ALG1L2: variants seen among roughly 807,000 people sequenced by gnomAD.
The protein encoded by ALG1L2 is ALG1 chitobiosyldiphosphodolichol beta-mannosyltransferase like 2.
Under a neutral mutation model 29.0 loss-of-function variants are expected in ALG1L2, and 32 were observed. That is an observed-to-expected ratio of 1.10 (90% CI 0.83 to 1.48). The LOEUF is 1.48. Ranked by LOEUF, ALG1L2 falls within the 40% of genes most tolerant of loss-of-function variation. The pLI is 0.00. For missense variants in ALG1L2, 318 were observed against 274.1 expected, an observed-to-expected ratio of 1.16 and a Z score of -1.13; for synonymous variants, 110 against 109.5, an observed-to-expected ratio of 1.00 and a Z score of -0.03.
At chr3:130,095,409 T>TTTATTATTATTATTA (rs869099473) in intron 5 of ALG1L2, among the ~76,000 whole-genome samples, 10 of 121,128 alleles carry the variant, frequency 8.3e-5, no homozygotes, top group African/African-American at 2.5e-4. Flanking sequence ...TGTGCTGTGG[T>TTTATTATTATTATTA]TTATTATTAT....
intron 5 of ALG1L2, 51 bp downstream of exon 5, chr3:130,094,564 GAACA>G: frequency 5.1e-6 from 3 of 587,944 alleles, no homozygotes; most frequent in Non-Finnish European, 8.7e-6. Context: ...TATGCAGGGG[GAACA>G]GGGGTGGGCG....
In ALG1L2 at chr3:130,098,276, A is replaced by G; in HGVS notation, c.*21A>G. ...CCTGATCCTGAAGGCAAGCTAAACCAGTTCCGGAAGAACCTGCGGGAGTCG... is the reference window on the plus strand; with the variant it reads ...CCTGATCCTGAAGGCAAGCTAAACCGGTTCCGGAAGAACCTGCGGGAGTCG... On this transcript the variant is annotated 3_prime_UTR_variant, in exon 8 of 8. Coordinates refer to ENST00000425059, the MANE Select transcript of ALG1L2 (RefSeq NM_001136152.1). The G allele has an allele frequency of 6.3e-7, 1 of 1,596,456 alleles. No individual in the cohort carries two copies. The highest frequency in any genetic ancestry group is 8.5e-7 in the Non-Finnish European group (1 of 1,179,762).
rs769338255 is a variant in ALG1L2, at chr3:130,094,369, G to C, written c.314-34G>C. ...GGGGCTATGTGGCAGGGACAGAGACGGGTTCATGGCAGTGTCTGCTCTTCT... is the reference window on the plus strand; with the variant it reads ...GGGGCTATGTGGCAGGGACAGAGACCGGTTCATGGCAGTGTCTGCTCTTCT... On this transcript the variant is annotated intron_variant, in intron 4 of 7. Transcript: ENST00000425059. The C allele has an allele frequency of 1.9e-6, 3 of 1,583,138 alleles. No homozygotes were observed. In the South Asian group the frequency reaches 3.3e-5, roughly 17 times the overall value.
chr3:130,086,081 T>C (rs1934883237), intron 1 of ALG1L2, among the ~76,000 whole-genome samples: 2 of 151,534 alleles, frequency 1.3e-5, no homozygotes, highest in Non-Finnish European at 1.5e-5. Context: ...TGGACAGAAA[T>C]CACCACGATC....
intron 1 of ALG1L2, among the ~76,000 whole-genome samples, chr3:130,086,255 T>C (rs1344468557): frequency 1.3e-5 from 2 of 151,144 alleles, no homozygotes; most frequent in African/African-American, 4.8e-5. Flanking sequence ...GTAGGAAGCA[T>C]CAAATGGGTT....
intron 7 of ALG1L2, 99 bp from the exon 8 acceptor site, chr3:130,098,124 A>T: frequency 1.3e-6 from 2 of 1,513,892 alleles, no homozygotes; most frequent in Admixed American, 1.9e-5. Context: ...GGAGCTAGGG[A>T]CTTGGGAGGG....
intron 1 of ALG1L2, among the ~76,000 whole-genome samples, chr3:130,085,847 C>A (rs1934878252): frequency 1.3e-5 from 2 of 149,856 alleles, no homozygotes. Context: ...TGGCCACAAT[C>A]TCCGCAAAAA....
chr3:130,094,147 C>T, intron 4 of ALG1L2: 2 of 523,244 alleles, frequency 3.8e-6, no homozygotes, highest in Non-Finnish European at 6.9e-6. Flanking sequence ...CCAGTGCTTA[C>T]CCCGCCTTGT....
At chr3:130,095,989 G>C (rs1335609127) in intron 5 of ALG1L2, 60 bp from the exon 6 acceptor site, 3 of 1,478,588 alleles carry the variant, frequency 2.0e-6, no homozygotes, top group Admixed American at 4.1e-5. Flanking sequence ...ACTGTGCTGG[G>C]AGGATTTGTG....
chr3:130,095,580 G>A (rs1464867640), intron 5 of ALG1L2, among the ~76,000 whole-genome samples: 2 of 151,776 alleles, frequency 1.3e-5, no homozygotes, highest in South Asian at 2.1e-4. Flanking sequence ...GGGATTACAG[G>A]CACCTGCCAT....
intron 7 of ALG1L2, 100 bp downstream of exon 7, chr3:130,097,350 T>A: frequency 6.6e-7 from 1 of 1,510,310 alleles, no homozygotes; most frequent in Non-Finnish European, 8.8e-7. Flanking sequence ...GGTGGGACCA[T>A]GCGGGGTCTG....
In ALG1L2 at chr3:130,096,171, C is replaced by G. The variant is rs151271687; in HGVS notation, c.539+8C>G. ...TGCCGTGAACTTCAAGTGGTAGGAG[C>G]AGAACCCGAATTTTTTCTGGGGATA... On this transcript the variant is annotated splice_region_variant and intron_variant, in intron 6 of 7. Coordinates refer to ENST00000425059, the MANE Select transcript of ALG1L2 (RefSeq NM_001136152.1). 2.0e-5 allele frequency: 33 copies of G among 1,611,472 alleles called. No homozygotes were observed. In the East Asian group the frequency reaches 6.9e-4, roughly 34 times the overall value.
intron 1 of ALG1L2, among the ~76,000 whole-genome samples, chr3:130,087,398 G>T (rs1300747221): frequency 2.4e-4 from 36 of 148,230 alleles, no homozygotes; most frequent in African/African-American, 8.7e-4. Flanking sequence ...CAGGCTAAAA[G>T]GTACCTACAG....
intron 1 of ALG1L2, among the ~76,000 whole-genome samples, chr3:130,087,211 C>A (rs1412861349): frequency 2.8e-4 from 42 of 150,268 alleles, no homozygotes; most frequent in Admixed American, 2.5e-3. Flanking sequence ...CCTCCTGATG[C>A]AATGCACAGA....
Position 130,087,805 on chromosome 3 carries a change from G to A in ALG1L2, c.21-3456G>A, listed in dbSNP as rs538756851. 5.3e-4 allele frequency among the ~76,000 whole-genome samples: 77 copies of A among 146,560 alleles called. 1 individual carries two copies. Among genetic ancestry groups the A allele is most frequent in the African/African-American group, 1.8e-3 (73 of 40,962 alleles). ...AAAGTGCAATGTTTCTGCAGGTGTC[G>A]ACCTTGGCAATGCAATAGGATCATC... On this transcript the variant is annotated intron_variant, in intron 1 of 7. Coordinates refer to ENST00000425059, the MANE Select transcript of ALG1L2 (RefSeq NM_001136152.1).
At chr3:130,095,957 T>A in intron 5 of ALG1L2, 92 bp from the exon 6 acceptor site, 1 of 1,371,420 alleles carries the variant, frequency 7.3e-7, no homozygotes, top group African/African-American at 1.5e-5. Context: ...CAATTTTCAC[T>A]CCCCTCGGGG....
At chr3:130,087,993 T>C (rs1346887343) in intron 1 of ALG1L2, among the ~76,000 whole-genome samples, 1 of 152,308 alleles carries the variant, frequency 6.6e-6, no homozygotes, top group African/African-American at 2.4e-5. Context: ...TTTAGTGTCA[T>C]TGGGTTGACA....
rs556712323 is a variant in ALG1L2, at chr3:130,097,977, G to A, written c.616-246G>A. Among the ~76,000 whole-genome samples the A allele has an allele frequency of 1.5e-3, 231 of 152,354 alleles. 1 individual carries two copies. Among genetic ancestry groups the A allele is most frequent in the African/African-American group, 5.4e-3 (223 of 41,566 alleles). Reference sequence around the variant, plus strand: ...GAGAGGAGGGTGCTCACAGGGGAACGTACATCATGTAGAGGCCGGAAGGTG... The same window carrying A: ...GAGAGGAGGGTGCTCACAGGGGAACATACATCATGTAGAGGCCGGAAGGTG... On this transcript the variant is annotated intron_variant, in intron 7 of 7. Coordinates refer to ENST00000425059, the MANE Select transcript of ALG1L2 (RefSeq NM_001136152.1).
chr3:130,083,776 C>A, intron 1 of ALG1L2, among the ~76,000 whole-genome samples: 1 of 142,106 alleles, frequency 7.0e-6, no homozygotes, highest in Non-Finnish European at 1.6e-5. Context: ...AGTGCTTTTT[C>A]CTCTGATTTT....
Sources: allele counts gnomAD v4.1 joint callset (sites outside exome capture counted in the v4.1 genomes callset), GRCh38; gene constraint gnomAD v4.1.1; transcripts MANE v1.5; gene names NCBI Gene and HGNC (gene_info 2026-07-23, HGNC 2026-07-21).